KCNQ2: variants seen among roughly 807,000 people sequenced by gnomAD.
The protein encoded by KCNQ2 is potassium voltage-gated channel subfamily Q member 2.
In KCNQ2, 14 loss-of-function variants were observed where a neutral mutation model predicts 84.8. That is an observed-to-expected ratio of 0.17 (90% CI 0.11 to 0.26). The LOEUF is 0.26. Among genes scored for constraint, KCNQ2 ranks in the 10% least tolerant of loss-of-function variants. The probability of loss-of-function intolerance (pLI) is 1.00; values close to 1 mark genes in which losing one functional copy is unlikely to be tolerated. For missense variants in KCNQ2, 788 were observed against 1,254.0 expected, an observed-to-expected ratio of 0.63 and a Z score of 5.61; for synonymous variants, 599 against 554.1, an observed-to-expected ratio of 1.08 and a Z score of -1.14.
At chr20:63,427,153 T>C (rs970571375) in intron 10 of KCNQ2, among the ~76,000 whole-genome samples, 1 of 152,178 alleles carries the variant, frequency 6.6e-6, no homozygotes, top group Non-Finnish European at 1.5e-5. Flanking sequence ...ACCCGGGAAG[T>C]GGAGGTTGCA....
At position 63,445,384 on chromosome 20, in the gene KCNQ2, A is replaced by G. The variant is rs751203260; in HGVS notation, c.388-20T>C. 6.2e-7 allele frequency: 1 copy of G among 1,612,854 alleles called. No homozygotes were observed. The highest frequency in any genetic ancestry group is 8.5e-7 in the Non-Finnish European group (1 of 1,179,386). ...GATTTCCTGCAGGGGAGGAAAGCTG[A>G]GGCCACCTTGAGGCCTGGGGGAGGG... On this transcript the variant is annotated intron_variant, in intron 2 of 16. Coordinates refer to ENST00000359125, the MANE Select transcript of KCNQ2 (RefSeq NM_172107.4).
Position 63,401,172 on chromosome 20 carries a change from C to A in KCNQ2, c.*5472G>T. 3.2e-6 allele frequency: 1 copy of A among 313,130 alleles called. No individual in the cohort carries two copies. The highest frequency in any genetic ancestry group is 5.8e-6 in the Non-Finnish European group (1 of 171,628). The allele number at this position is 313,130 out of a possible 1,614,324, so 19.4% of individuals were successfully genotyped here. ...AAGCCCAGAGCACACTCAACTCCAC[C>A]CCACAAACGCCTTTTAAAACTCTGA... On this transcript the variant is annotated 3_prime_UTR_variant, in exon 17 of 17. Coordinates refer to ENST00000359125, the MANE Select transcript of KCNQ2 (RefSeq NM_172107.4).
intron 1 of KCNQ2, chr20:63,447,595 G>GTTTGTTTTGT (rs56055261): frequency 0.29 from 44,401 of 151,516 alleles, 6,593 homozygotes; most frequent in African/African-American, 0.31. Flanking sequence ...TTTTGTTTTT[G>GTTTGTTTTGT]TTTGTTTTGT....
Position 63,472,533 on chromosome 20 carries a change from G to T in KCNQ2, c.-70C>A. 7.8e-7 allele frequency: 1 copy of T among 1,274,402 alleles called. No homozygotes were observed. The highest frequency in any genetic ancestry group is 9.9e-7 in the Non-Finnish European group (1 of 1,010,342). 78.9% of individuals were successfully genotyped at this position (1,274,402 alleles called of 1,614,324 possible). A position where few individuals can be genotyped will look rare whatever the true frequency, so the allele number is the denominator to read the frequency against. ...GGGCGGAGCGCGGGGGGCGGCGCGGGCCCCAGCCCAGGCCCCCCGGCCGGG... is the reference window on the plus strand; with the variant it reads ...GGGCGGAGCGCGGGGGGCGGCGCGGTCCCCAGCCCAGGCCCCCCGGCCGGG... On this transcript the variant is annotated 5_prime_UTR_variant, in exon 1 of 17. Transcript: ENST00000359125.
chr20:63,426,587 A>C (rs1430874155), intron 10 of KCNQ2, among the ~76,000 whole-genome samples: 1 of 151,736 alleles, frequency 6.6e-6, no homozygotes, highest in Non-Finnish European at 1.5e-5. Flanking sequence ...TACTATGAGC[A>C]GCAGAAATAA....
intron 5 of KCNQ2, among the ~76,000 whole-genome samples, chr20:63,440,313 G>A (rs1291063522): frequency 1.3e-5 from 2 of 152,072 alleles, no homozygotes; most frequent in East Asian, 1.9e-4. Flanking sequence ...GTGAGCCCAG[G>A]AGCACCCGAC....
chr20:63,427,608 G>A (rs546351509), intron 10 of KCNQ2, among the ~76,000 whole-genome samples: 1 of 152,344 alleles, frequency 6.6e-6, no homozygotes, highest in South Asian at 2.1e-4. Flanking sequence ...TGTGGCTCCA[G>A]GCAGCCCTTG....
chr20:63,446,613 G>T lies in KCNQ2; in HGVS notation c.387+134C>A. On this transcript the variant is annotated intron_variant, in intron 2 of 16. Coordinates refer to ENST00000359125, the MANE Select transcript of KCNQ2 (RefSeq NM_172107.4). This position sits in a 1 kb window ranked among gnomAD's most constrained non-coding sequence, Gnocchi z 5.5. The stretch of plus-strand genomic sequence containing the variant: ...GGCTGGGGGCAGATGGGAACTGACA[G>T]GGCACAAAGACATGGCCAGAGCTGG... 2 of 754,706 alleles carry T rather than the reference G, an allele frequency of 2.7e-6. No homozygotes were observed. The highest frequency in any genetic ancestry group is 4.6e-6 in the Non-Finnish European group (2 of 434,190). 46.8% of individuals were successfully genotyped at this position (754,706 alleles called of 1,614,324 possible). A position where few individuals can be genotyped will look rare whatever the true frequency, so the allele number is the denominator to read the frequency against.
chr20:63,461,460 AG>A (rs2081944374), intron 1 of KCNQ2, among the ~76,000 whole-genome samples: 1 of 152,176 alleles, frequency 6.6e-6, no homozygotes, highest in Non-Finnish European at 1.5e-5. Flanking sequence ...AGGTGAGCCA[AG>A]CCCCTGACTC....
intron 15 of KCNQ2, chr20:63,413,242 G>A (rs1032061308): frequency 1.3e-5 from 8 of 606,558 alleles, no homozygotes; most frequent in Non-Finnish European, 2.4e-5. Context: ...TGCCCACCGC[G>A]GTGTGGATGG....
chr20:63,446,871 C>T lies in KCNQ2; in HGVS notation c.297-34G>A, dbSNP rs745842924. ...AGGGAACGCGCGCTCTCAGACAGGC[C>T]GCAGCAGGGCAGCAGCATGGCTGTG... On this transcript the variant is annotated intron_variant, in intron 1 of 16. Transcript: ENST00000359125. This position sits in a 1 kb window ranked among gnomAD's most constrained non-coding sequence, Gnocchi z 5.5. 39 of 1,571,130 alleles carry T rather than the reference C, an allele frequency of 2.5e-5. 1 individual carries two copies. In the South Asian group the frequency reaches 4.0e-4, roughly 16 times the overall value.
chr20:63,427,696 C>T (rs1421504814), intron 10 of KCNQ2, among the ~76,000 whole-genome samples: 2 of 152,338 alleles, frequency 1.3e-5, no homozygotes, highest in African/African-American at 4.8e-5. Context: ...ATCTCCCTCT[C>T]CTTGTAAGGA....
rs529709724 is a variant in KCNQ2 at position 63,411,942 on chromosome 20, G to A, written c.1763+1508C>T. The A allele has an allele frequency of 2.2e-4, 154 of 701,998 alleles. 1 individual carries two copies. In the South Asian group the frequency reaches 2.3e-3, roughly 10 times the overall value. The allele number at this position is 701,998 out of a possible 1,614,324, so 43.5% of individuals were successfully genotyped here. ...AACGCATCGTAAAGCCACAGGAAAT[G>A]AGGAGCTGGCCAGGAACTGGCGGAA... On this transcript the variant is annotated intron_variant, in intron 15 of 16. Coordinates refer to ENST00000359125, the MANE Select transcript of KCNQ2 (RefSeq NM_172107.4).
At chr20:63,418,270 G>A (rs79920742) in intron 12 of KCNQ2, among the ~76,000 whole-genome samples, 1,568 of 152,338 alleles carry the variant, frequency 0.01, 29 homozygotes, top group African/African-American at 0.036. Context: ...TGCGAGGGGC[G>A]TCCGTGGCAC....
At chr20:63,442,719 C>CGAT (rs2081216291) in intron 4 of KCNQ2, among the ~76,000 whole-genome samples, 188 bp from the exon 5 acceptor site, 1 of 38,396 alleles carries the variant, frequency 2.6e-5, no homozygotes, top group African/African-American at 8.9e-5. Flanking sequence ...ACCACCACCA[C>CGAT]CACCATCATC....
Position 63,439,682 on chromosome 20 carries a change from C to T in KCNQ2, c.843G>A (p.Gly281=). The T allele has an allele frequency of 6.2e-7, 1 of 1,613,776 alleles. No individual in the cohort carries two copies. The highest frequency in any genetic ancestry group is 8.5e-7 in the Non-Finnish European group (1 of 1,179,928). ...GLITLTTIGY[G]DKYPQTWNGR... ...CGTTCCAGGTCTGGGGGTACTTGTC[C>T]CCGTAGCCAATGGTGGTCAGCGTGA... Residue 281 remains glycine (G), a synonymous_variant, in exon 6 of 17, where the codon GGG becomes GGA. Transcript: ENST00000359125.
Position 63,400,637 on chromosome 20 carries a change from G to A in KCNQ2, c.*6007C>T, listed in dbSNP as rs950601557. The A allele has an allele frequency of 7.5e-6, 3 of 398,628 alleles. No individual in the cohort carries two copies. Among genetic ancestry groups the A allele is most frequent in the East Asian group, 3.6e-5 (1 of 28,076 alleles). The allele number at this position is 398,628 out of a possible 1,614,324, so 24.7% of individuals were successfully genotyped here. A position where few individuals can be genotyped will look rare whatever the true frequency, so the allele number is the denominator to read the frequency against. On this transcript the variant is annotated 3_prime_UTR_variant, in exon 17 of 17. Coordinates refer to ENST00000359125, the MANE Select transcript of KCNQ2 (RefSeq NM_172107.4). This position sits in a 1 kb window ranked among gnomAD's most constrained non-coding sequence, Gnocchi z 8.7. The stretch of plus-strand genomic sequence containing the variant: ...AAAAGTGCAGACAGCCAGAGGCAAC[G>A]GCGCAAATGGGGAAGCTGCAGCCAC...
chr20:63,442,749 CCAT>C (rs1388765536), intron 4 of KCNQ2, among the ~76,000 whole-genome samples: 6 of 78,480 alleles, frequency 7.6e-5, no homozygotes, highest in East Asian at 4.2e-4. Context: ...ACCATCACCA[CCAT>C]CACCATCACC....
At chr20:63,415,782 C>A (rs2145564573) in intron 12 of KCNQ2, among the ~76,000 whole-genome samples, 1 of 152,322 alleles carries the variant, frequency 6.6e-6, no homozygotes, top group Non-Finnish European at 1.5e-5. Context: ...TCCTCGGGCA[C>A]CTCTGTCTGC....
Sources: gnomAD v4.1 joint callset for allele counts (sites outside exome capture counted in the v4.1 genomes callset) on GRCh38, gnomAD v4.1.1 for gene constraint, Gnocchi (gnomAD v3.1) non-coding constraint, MANE v1.5 for transcripts, NCBI Gene and HGNC (gene_info 2026-07-23, HGNC 2026-07-21) for gene names.